Variants in MITF observed in about 807,000 individuals in gnomAD.
MITF encodes the protein melanocyte inducing transcription factor.
MITF carries 17 observed loss-of-function variants against 60.5 expected under a neutral mutation model. That is an observed-to-expected ratio of 0.28 (90% CI 0.19 to 0.42). The LOEUF is 0.42. Among genes scored for constraint, MITF ranks in the 10% least tolerant of loss-of-function variants. The pLI is 1.00. For synonymous variants in MITF, 260 were observed against 248.5 expected, an observed-to-expected ratio of 1.05 and a Z score of -0.43; for missense variants, 622 against 683.5, an observed-to-expected ratio of 0.91 and a Z score of 1.00.
intron 1 of MITF, among the ~76,000 whole-genome samples, chr3:69,808,033 A>G (rs1448032190): frequency 6.7e-6 from 1 of 149,330 alleles, no homozygotes; most frequent in Non-Finnish European, 1.5e-5. Flanking sequence ...TAAAAATGGG[A>G]GCATTGCTCA....
At chr3:69,821,690 TAA>T (rs72371556) in intron 1 of MITF, among the ~76,000 whole-genome samples, 2 of 113,218 alleles carry the variant, frequency 1.8e-5, no homozygotes, top group Non-Finnish European at 3.5e-5. Context: ...AAAAAAAAAC[TAA>T]AAAAAAAAAA....
intron 1 of MITF, among the ~76,000 whole-genome samples, chr3:69,841,469 T>A: frequency 6.6e-6 from 1 of 152,218 alleles, no homozygotes; most frequent in East Asian, 1.9e-4. Flanking sequence ...CTTTTCTGAG[T>A]GTGCTATTTA....
intron 2 of MITF, among the ~76,000 whole-genome samples, chr3:69,905,114 T>C (rs995961890): frequency 3.3e-5 from 5 of 152,126 alleles, no homozygotes; most frequent in African/African-American, 1.2e-4. Flanking sequence ...TAACCCCTTC[T>C]TCCTTCCCAG....
chr3:69,805,566 G>A (rs2062991837), intron 1 of MITF, among the ~76,000 whole-genome samples: 1 of 152,116 alleles, frequency 6.6e-6, no homozygotes, highest in African/African-American at 2.4e-5. Flanking sequence ...TACAAGGGCA[G>A]GAAGAATGTT....
chr3:69,848,937 T>C (rs2063776651), intron 1 of MITF, among the ~76,000 whole-genome samples: 1 of 151,332 alleles, frequency 6.6e-6, no homozygotes, highest in Non-Finnish European at 1.5e-5. Flanking sequence ...GCACTGGAAA[T>C]TATTTGGGCA....
At chr3:69,842,564 C>T (rs551779594) in intron 1 of MITF, among the ~76,000 whole-genome samples, 3 of 152,230 alleles carry the variant, frequency 2.0e-5, no homozygotes, top group South Asian at 2.1e-4. Context: ...TCTTAGTAAA[C>T]GGAGGTAGCC....
intron 1 of MITF, among the ~76,000 whole-genome samples, chr3:69,781,975 G>T (rs978159773): frequency 6.6e-6 from 1 of 152,186 alleles, no homozygotes; most frequent in Non-Finnish European, 1.5e-5. Flanking sequence ...ATTTGGAACA[G>T]ACACTAACAC....
At chr3:69,918,297 C>G (rs1459461994) in intron 2 of MITF, among the ~76,000 whole-genome samples, 2 of 152,124 alleles carry the variant, frequency 1.3e-5, no homozygotes, top group African/African-American at 4.8e-5. Context: ...ATCTGCCTGC[C>G]TCAGCCTCCC....
intron 2 of MITF, among the ~76,000 whole-genome samples, chr3:69,898,192 C>T (rs1039701477): frequency 6.6e-6 from 1 of 152,158 alleles, no homozygotes; most frequent in Non-Finnish European, 1.5e-5. Flanking sequence ...GAAGTCTTTC[C>T]CCTGTTCACC....
chr3:69,840,853 T>C (rs1350872575), intron 1 of MITF, among the ~76,000 whole-genome samples: 1 of 151,878 alleles, frequency 6.6e-6, no homozygotes, highest in Non-Finnish European at 1.5e-5. Context: ...CCTTCTAGGT[T>C]CAAGCAATTC....
intron 1 of MITF, among the ~76,000 whole-genome samples, chr3:69,786,182 G>C (rs1163723809): frequency 1.3e-5 from 2 of 152,118 alleles, no homozygotes; most frequent in Admixed American, 1.3e-4. Context: ...GGGAAATCAG[G>C]GTAGTTTCCA....
Position 69,951,856 on chromosome 3 carries a change from G to C in MITF, c.925G>C (p.Glu309Gln), listed in dbSNP as rs1553704086. The change falls in exon 7 of 10, where the codon GAG (glutamate) becomes CAG (glutamine). Residue 309 changes from glutamate to glutamine, a missense_variant. Physicochemically the swap from Glu to Gln is conservative, Grantham distance 29. Transcript: ENST00000352241. The stretch of plus-strand genomic sequence containing the variant: ...GTCTGAAGCAAGAGCACTGGCCAAA[G>C]AGAGGCAGAAAAAGGACAATCACAA... ...TESEARALAKERQKKDNHNLI... is the reference protein window; with the variant it reads ...TESEARALAKQRQKKDNHNLI... The C allele has an allele frequency of 6.2e-7, 1 of 1,613,350 alleles. No homozygotes were observed. The highest frequency in any genetic ancestry group is 1.3e-5 in the African/African-American group (1 of 74,884).
In MITF at chr3:69,847,249, G is replaced by A. The variant is rs2063747874; in HGVS notation, c.105-31885G>A. Among the ~76,000 whole-genome samples, 5 of 152,192 alleles carry A rather than the reference G, an allele frequency of 3.3e-5. No homozygotes were observed. In the South Asian group the frequency reaches 8.3e-4, roughly 25 times the overall value. On this transcript the variant is annotated intron_variant, in intron 1 of 9. Transcript: ENST00000352241. ...CCCATGAGCTCACAGTAAGAGCTCA[G>A]TACATATTTGGTAAAGAGTGAATAA...
At chr3:69,749,952 T>C (rs954468734) in intron 1 of MITF, among the ~76,000 whole-genome samples, 13 of 152,336 alleles carry the variant, frequency 8.5e-5, no homozygotes, top group East Asian at 1.9e-4. Flanking sequence ...CTGATTATAT[T>C]TGGAAGCTTT....
At chr3:69,821,677 GAAAA>G (rs71620104) in intron 1 of MITF, among the ~76,000 whole-genome samples, 1 of 112,734 alleles carries the variant, frequency 8.9e-6, no homozygotes, top group Non-Finnish European at 1.7e-5. Context: ...TTTAGAAAAG[GAAAA>G]AAAAAAACTA....
At chr3:69,950,394 A>T (rs2066212582) in intron 6 of MITF, among the ~76,000 whole-genome samples, 1 of 151,152 alleles carries the variant, frequency 6.6e-6, no homozygotes, top group Admixed American at 6.6e-5. Context: ...AGGAAAAAAA[A>T]ACTAGAAAAT....
intron 1 of MITF, among the ~76,000 whole-genome samples, chr3:69,836,164 G>A (rs2063537242): frequency 6.6e-6 from 1 of 151,782 alleles, no homozygotes; most frequent in South Asian, 2.1e-4. Context: ...TTGTTTTATA[G>A]TTTTCATTGT....
At chr3:69,791,813 A>G (rs1435768426) in intron 1 of MITF, among the ~76,000 whole-genome samples, 3 of 152,236 alleles carry the variant, frequency 2.0e-5, no homozygotes, top group Admixed American at 2.0e-4. Context: ...AAGAGGCATT[A>G]TTAGAACTGC....
chr3:69,902,715 C>T (rs200603762), intron 2 of MITF, among the ~76,000 whole-genome samples: 9 of 152,024 alleles, frequency 5.9e-5, no homozygotes, highest in Admixed American at 6.5e-5. Context: ...TTAGTTACAC[C>T]CATAACCTCT....
Sources: allele counts gnomAD v4.1 joint callset (sites outside exome capture counted in the v4.1 genomes callset), GRCh38; gene constraint gnomAD v4.1.1; transcripts MANE v1.5; gene names NCBI Gene and HGNC (gene_info 2026-07-23, HGNC 2026-07-21).